TMTC2: variants seen among roughly 807,000 people sequenced by gnomAD.
TMTC2 encodes the protein transmembrane O-mannosyltransferase targeting cadherins 2, also known as protein O-mannosyl-transferase TMTC2.
Under a neutral mutation model 82.4 loss-of-function variants are expected in TMTC2, and 43 were observed. The observed-to-expected ratio is 0.52, with a 90% CI of 0.41 to 0.67. The LOEUF is 0.67. Among genes scored for constraint, TMTC2 ranks in the 30% least tolerant of loss-of-function variants. The pLI is 0.00. For missense variants in TMTC2, 919 were observed against 1,012.4 expected (o/e 0.91, Z 1.25); for synonymous variants, 408 against 381.9 (o/e 1.07, Z -0.80).
At chr12:82,837,965 G>A (rs994074082) in intron 1 of TMTC2, among the ~76,000 whole-genome samples, 1 of 152,170 alleles carries the variant, frequency 6.6e-6, no homozygotes, top group Non-Finnish European at 1.5e-5. Context: ...GCTACTTGCT[G>A]TGAAATCTTG....
At chr12:82,898,471 G>A (rs1873791018) in intron 3 of TMTC2, among the ~76,000 whole-genome samples, 3 of 152,320 alleles carry the variant, frequency 2.0e-5, no homozygotes, top group Non-Finnish European at 2.9e-5. Context: ...CTAAGCTGCT[G>A]TTACAAAAAG....
At chr12:83,129,889 G>C (rs1885210894) in intron 11 of TMTC2, among the ~76,000 whole-genome samples, 1 of 152,154 alleles carries the variant, frequency 6.6e-6, no homozygotes, top group African/African-American at 2.4e-5. Flanking sequence ...GGTAGAGCTG[G>C]TATTTGAACC....
At chr12:82,928,145 T>G (rs1875827468) in intron 3 of TMTC2, among the ~76,000 whole-genome samples, 2 of 151,952 alleles carry the variant, frequency 1.3e-5, no homozygotes, top group South Asian at 4.2e-4. Flanking sequence ...AAGGTATGTC[T>G]TTGCTATTAG....
intron 4 of TMTC2, among the ~76,000 whole-genome samples, chr12:82,955,135 G>A (rs1007389230): frequency 2.0e-5 from 3 of 152,152 alleles, no homozygotes; most frequent in African/African-American, 7.2e-5. Flanking sequence ...ATTCTTTGCT[G>A]TGGAAGGCTG....
In TMTC2 at chr12:82,965,088, G is replaced by A. The variant is rs1169831865; in HGVS notation, c.1663G>A (p.Gly555Arg). The A allele has an allele frequency of 1.9e-6, 3 of 1,612,042 alleles. No homozygotes were observed. The highest frequency in any genetic ancestry group is 2.5e-6 in the Non-Finnish European group (3 of 1,178,736). ...EALHYYKLAI[G>R]SRPTLASAYL... Reference sequence around the variant, plus strand: ...ACTACATTATTATAAATTGGCCATTGGGAGCAGGCCTACCCTGGCTTGTAA... The same window carrying A: ...ACTACATTATTATAAATTGGCCATTAGGAGCAGGCCTACCCTGGCTTGTAA... The change falls in exon 5 of 12, where the codon GGG becomes AGG. Residue 555 changes from glycine (G) to arginine (R), a missense_variant. Gly to Arg is a moderately radical substitution (Grantham distance 125). Coordinates refer to ENST00000321196, the MANE Select transcript of TMTC2 (RefSeq NM_152588.3).
rs77009955 is a variant in TMTC2, at chr12:83,069,824, C to G, written c.2331+7993C>G. On this transcript the variant is annotated intron_variant, in intron 11 of 11. Transcript: ENST00000321196. ...TTTAGGATTTTTTATAGTTTCAGGT[C>G]TTAGGTTTAAGTCCTTAATCCATCT... is the stretch of plus-strand genomic sequence containing the variant. 5.2e-3 allele frequency among the ~76,000 whole-genome samples: 791 copies of G among 151,092 alleles called. 7 individuals are homozygous for G. The highest frequency in any genetic ancestry group is 0.019 in the African/African-American group (762 of 41,088).
intron 2 of TMTC2, among the ~76,000 whole-genome samples, chr12:82,894,836 G>GT (rs1873576589): frequency 6.6e-6 from 1 of 152,054 alleles, no homozygotes; most frequent in Non-Finnish European, 1.5e-5. Context: ...GTCTCACTCT[G>GT]TTGCCCAGGC....
chr12:83,010,929 G>T (rs147552144), intron 8 of TMTC2, among the ~76,000 whole-genome samples: 232 of 152,272 alleles, frequency 1.5e-3, no homozygotes, highest in African/African-American at 5.2e-3. Context: ...CCACCTCCCA[G>T]GTTCAAGTGA....
intron 9 of TMTC2, among the ~76,000 whole-genome samples, chr12:83,042,373 T>C (rs1592712335): frequency 6.6e-6 from 1 of 152,336 alleles, no homozygotes; most frequent in Non-Finnish European, 1.5e-5. Flanking sequence ...ATGAGGCTGC[T>C]CACCTCTGGA....
intron 1 of TMTC2, among the ~76,000 whole-genome samples, chr12:82,705,005 G>A (rs971367769): frequency 6.6e-6 from 1 of 152,164 alleles, no homozygotes; most frequent in African/African-American, 2.4e-5. Context: ...ATATTACTCA[G>A]CCATAAAAAG....
At chr12:82,711,971 C>T (rs1873644649) in intron 1 of TMTC2, among the ~76,000 whole-genome samples, 1 of 152,164 alleles carries the variant, frequency 6.6e-6, no homozygotes, top group Admixed American at 6.5e-5. Context: ...CCACCTTTGC[C>T]CTCATACAGC....
chr12:82,844,010 G>A (rs937572255), intron 1 of TMTC2, among the ~76,000 whole-genome samples: 1 of 152,170 alleles, frequency 6.6e-6, no homozygotes, highest in African/African-American at 2.4e-5. Flanking sequence ...TATTAGGTGA[G>A]CAGATAAGCT....
In TMTC2 at chr12:82,965,026, G is replaced by A; in HGVS notation, c.1601G>A (p.Gly534Glu). Residue 534 changes from glycine (G) to glutamate (E), a missense_variant and splice_region_variant, in exon 5 of 12, where the codon GGG (glycine) becomes GAG (glutamate). Physicochemically the swap from Gly to Glu is moderately conservative, Grantham distance 98. Coordinates refer to ENST00000321196, the MANE Select transcript of TMTC2 (RefSeq NM_152588.3). Reference protein sequence around the residue: ...SNMADMLYNLGLLLQENSRFA... With the variant: ...SNMADMLYNLELLLQENSRFA... ...AAATTTCTGTTTTCCTCATGCAGAG[G>A]GCTACTTCTCCAGGAGAACAGCAGG... 1 of 1,610,368 alleles carries A rather than the reference G, an allele frequency of 6.2e-7. No individual in the cohort carries two copies. Among genetic ancestry groups the A allele is most frequent in the Non-Finnish European group, 8.5e-7 (1 of 1,178,024 alleles).
intron 1 of TMTC2, among the ~76,000 whole-genome samples, chr12:82,708,525 T>G (rs889958909): frequency 3.9e-5 from 6 of 152,220 alleles, no homozygotes; most frequent in Non-Finnish European, 8.8e-5. Context: ...TTACAGGTTT[T>G]GTCCCAACTA....
intron 1 of TMTC2, among the ~76,000 whole-genome samples, chr12:82,741,855 G>A (rs749144968): frequency 1.4e-4 from 21 of 152,136 alleles, no homozygotes; most frequent in Non-Finnish European, 2.8e-4. Context: ...CCTATGTGGA[G>A]TCCTTGGGAT....
chr12:82,845,410 A>G (rs906391231), intron 1 of TMTC2, among the ~76,000 whole-genome samples: 2 of 151,536 alleles, frequency 1.3e-5, no homozygotes, highest in African/African-American at 4.9e-5. Context: ...GAAAACCTAC[A>G]AAATCAAAAT....
chr12:82,836,719 A>G (rs559643217), intron 1 of TMTC2, among the ~76,000 whole-genome samples: 2 of 152,334 alleles, frequency 1.3e-5, no homozygotes, highest in East Asian at 1.9e-4. Flanking sequence ...ACAATAGGAA[A>G]CTAACACAGA....
chr12:82,775,585 G>A (rs1055734177), intron 1 of TMTC2, among the ~76,000 whole-genome samples: 1 of 152,048 alleles, frequency 6.6e-6, no homozygotes, highest in African/African-American at 2.4e-5. Flanking sequence ...AATTAGAGCT[G>A]ATTTTAGGCC....
intron 1 of TMTC2, among the ~76,000 whole-genome samples, chr12:82,838,067 G>C (rs1487765910): frequency 6.6e-6 from 1 of 152,128 alleles, no homozygotes; most frequent in Non-Finnish European, 1.5e-5. Context: ...AATCTAGAAA[G>C]TTCTTCACAT....
Sources: allele counts gnomAD v4.1 joint callset (sites outside exome capture counted in the v4.1 genomes callset), GRCh38; gene constraint gnomAD v4.1.1; transcripts MANE v1.5; gene names NCBI Gene and HGNC (gene_info 2026-07-23, HGNC 2026-07-21).